MPHOSPH10: variants seen among roughly 807,000 people sequenced by gnomAD.
The protein encoded by MPHOSPH10 is U3 small nucleolar ribonucleoprotein MPP10.
Under a neutral mutation model 77.3 loss-of-function variants are expected in MPHOSPH10, and 33 were observed. The observed-to-expected ratio is 0.43, with a 90% CI of 0.32 to 0.57. The LOEUF is 0.57. Among genes scored for constraint, MPHOSPH10 ranks in the 20% least tolerant of loss-of-function variants. The probability of loss-of-function intolerance (pLI) is 0.07; values close to 1 mark genes in which losing one functional copy is unlikely to be tolerated. For synonymous variants in MPHOSPH10, 245 were observed against 268.0 expected (o/e 0.91, Z 0.84); for missense variants, 708 against 780.1 (o/e 0.91, Z 1.10).
Position 71,130,767 on chromosome 2 carries a change from A to G in MPHOSPH10, c.89+13A>G, listed in dbSNP as rs962396204. On this transcript the variant is annotated intron_variant, in intron 1 of 10. Coordinates refer to ENST00000244230, the MANE Select transcript of MPHOSPH10 (RefSeq NM_005791.3). The stretch of plus-strand genomic sequence containing the variant: ...AGTGCTTCCTCACGTAAGTGCGCAG[A>G]TCCCGGGCTCGGGGTGCGACCGGGG... The G allele has an allele frequency of 5.6e-6, 9 of 1,598,382 alleles. No homozygotes were observed. Among genetic ancestry groups the G allele is most frequent in the Non-Finnish European group, 7.7e-6 (9 of 1,171,002 alleles).
At position 71,149,969 on chromosome 2, in the gene MPHOSPH10, AAAAG is replaced by A. The variant is rs542198196; in HGVS notation, c.2003_2006del (p.Lys668ArgfsTer11). On this transcript the variant is annotated frameshift_variant, in exon 11 of 11. Coordinates refer to ENST00000244230, the MANE Select transcript of MPHOSPH10 (RefSeq NM_005791.3). LOFTEE classifies it high-confidence loss of function. Reference sequence around the variant, plus strand: ...AATGATGCAAAGAAAACAGAAAAGAAAAAGAAGAAAAGACAGGATATTTCTGTTC... The same window carrying A: ...AATGATGCAAAGAAAACAGAAAAGAAAAGAAAAGACAGGATATTTCTGTTC... 4.7e-6 allele frequency: 7 copies of A among 1,481,210 alleles called. No homozygotes were observed. The highest frequency in any genetic ancestry group is 6.4e-6 in the Non-Finnish European group (7 of 1,087,492). The allele number at this position is 1,481,210 out of a possible 1,614,324, so 91.8% of individuals were successfully genotyped here.
chr2:71,142,287 G>A (rs1673627545), intron 7 of MPHOSPH10, among the ~76,000 whole-genome samples: 1 of 152,180 alleles, frequency 6.6e-6, no homozygotes, highest in Non-Finnish European at 1.5e-5. Context: ...CTGAAGAACT[G>A]AAAAGATTTG....
At chr2:71,140,034 T>TATCCAGG (rs1476875841) in intron 6 of MPHOSPH10, among the ~76,000 whole-genome samples, 172 bp downstream of exon 6, 1 of 152,194 alleles carries the variant, frequency 6.6e-6, no homozygotes, top group African/African-American at 2.4e-5. Flanking sequence ...TCTTCAGTAG[T>TATCCAGG]ATCCAGGAAA....
chr2:71,139,251 A>G (rs1673564344), intron 5 of MPHOSPH10: 1 of 160,822 alleles, frequency 6.2e-6, no homozygotes, highest in Non-Finnish European at 1.4e-5. Context: ...GATATCGTCT[A>G]AGAACTAGGA....
chr2:71,148,291 T>G lies in MPHOSPH10; in HGVS notation c.1665+185T>G, dbSNP rs1275553609. ...AAATACCAGTCTCCTATATTCTGGC[T>G]TTATTATGAGGTACAGGTTTGAGAG... On this transcript the variant is annotated intron_variant, in intron 9 of 10. Transcript: ENST00000244230. 3 of 539,244 alleles carry G rather than the reference T, an allele frequency of 5.6e-6. No homozygotes were observed. In the African/African-American group the frequency reaches 5.6e-5, roughly 10 times the overall value. 33.4% of individuals were successfully genotyped at this position (539,244 alleles called of 1,614,324 possible).
chr2:71,139,774 TA>T lies in MPHOSPH10; in HGVS notation c.1241-18del. The T allele has an allele frequency of 6.4e-7, 1 of 1,571,118 alleles. No homozygotes were observed. Among genetic ancestry groups the T allele is most frequent in the Non-Finnish European group, 8.7e-7 (1 of 1,145,370 alleles). ...GTCTAGTGGATATCTACCTAATGAA[TA>T]AACGTTGTATATCCTTTAGCACCTG... On this transcript the variant is annotated intron_variant, in intron 5 of 10. Transcript: ENST00000244230.
chr2:71,130,804 C>T (rs746363524), intron 1 of MPHOSPH10, 50 bp downstream of exon 1: 3 of 1,545,100 alleles, frequency 1.9e-6, no homozygotes, highest in Non-Finnish European at 2.6e-6. Flanking sequence ...CTCACGTGGA[C>T]GCGGGTTGCA....
Position 71,133,414 on chromosome 2 carries a change from T to C in MPHOSPH10, c.606T>C (p.Asp202=), listed in dbSNP as rs1254922809. ...GKPREKSIVD[D]KFFKLSEMEA... The stretch of plus-strand genomic sequence containing the variant: ...CAAGAGAAAAGTCCATAGTAGATGA[T>C]AAATTCTTCAAACTCTCTGAAATGG... Residue 202 remains aspartate (D), a synonymous_variant, in exon 2 of 11, where the codon GAT becomes GAC. Coordinates refer to ENST00000244230, the MANE Select transcript of MPHOSPH10 (RefSeq NM_005791.3). The C allele has an allele frequency of 6.2e-7, 1 of 1,614,108 alleles. No individual in the cohort carries two copies. Among genetic ancestry groups the C allele is most frequent in the Admixed American group, 1.7e-5 (1 of 60,014 alleles).
chr2:71,134,028 T>C lies in MPHOSPH10; in HGVS notation c.849T>C (p.His283=), dbSNP rs759813485. 4.3e-6 allele frequency: 7 copies of C among 1,609,740 alleles called. 1 individual carries two copies. In the East Asian group the frequency reaches 1.3e-4, roughly 31 times the overall value. ...GTGATGAAGACATAACAAATGTTCA[T>C]GATGATGAGCTGGATTCAAACAAAG... ...VESDEDITNV[H]DDELDSNKED... The change falls in exon 3 of 11, where the codon CAT becomes CAC. Residue 283 remains histidine (H), a synonymous_variant. Coordinates refer to ENST00000244230, the MANE Select transcript of MPHOSPH10 (RefSeq NM_005791.3).
chr2:71,140,418 A>T (rs575551724), intron 6 of MPHOSPH10, among the ~76,000 whole-genome samples: 1 of 152,256 alleles, frequency 6.6e-6, no homozygotes, highest in East Asian at 1.9e-4. Context: ...GCTCTTCTTA[A>T]GAGCCACCAT....
rs1673426073 is a variant in MPHOSPH10 at position 71,133,463 on chromosome 2, AAAG to A, written c.660_662del (p.Glu222del). 6.2e-7 allele frequency: 1 copy of A among 1,613,910 alleles called. No homozygotes were observed. Among genetic ancestry groups the A allele is most frequent in the Non-Finnish European group, 8.5e-7 (1 of 1,179,944 alleles). On this transcript the variant is annotated inframe_deletion, in exon 2 of 11. Transcript: ENST00000244230. Reference sequence around the variant, plus strand: ...GGAGGCCTATTTAGAAAACATAGAAAAAGAAGAGGAACGAAAAGATGATAATGA... The same window carrying A: ...GGAGGCCTATTTAGAAAACATAGAAAAAGAGGAACGAAAAGATGATAATGA...
At chr2:71,135,235 T>C in intron 4 of MPHOSPH10, among the ~76,000 whole-genome samples, 1 of 152,024 alleles carries the variant, frequency 6.6e-6, no homozygotes, top group East Asian at 1.9e-4. Flanking sequence ...GCATTTCAGT[T>C]TGGGGCCTGT....
chr2:71,149,604 T>C (rs1673782227), intron 10 of MPHOSPH10, 151 bp downstream of exon 10: 1 of 805,876 alleles, frequency 1.2e-6, no homozygotes, highest in Non-Finnish European at 2.0e-6. Context: ...CAACCTTTAA[T>C]GTTCTAGAAT....
intron 6 of MPHOSPH10, among the ~76,000 whole-genome samples, chr2:71,140,273 A>G (rs1673586616): frequency 6.6e-6 from 1 of 152,164 alleles, no homozygotes; most frequent in South Asian, 2.1e-4. Context: ...TAAAAGGAAT[A>G]CAGTTATGGA....
Position 71,144,149 on chromosome 2 carries a change from A to T in MPHOSPH10, c.1447-279A>T, listed in dbSNP as rs1673663018. The T allele has an allele frequency of 9.0e-6, 2 of 221,610 alleles. 1 individual carries two copies. The highest frequency in any genetic ancestry group is 1.1e-4 in the Admixed American group (2 of 17,458). The allele number at this position is 221,610 out of a possible 1,614,324, so 13.7% of individuals were successfully genotyped here. On this transcript the variant is annotated intron_variant, in intron 7 of 10. Coordinates refer to ENST00000244230, the MANE Select transcript of MPHOSPH10 (RefSeq NM_005791.3). ...AAACAACTGTAGCCATCTTAGGAAT[A>T]GCTTAGTTTTTGACAGAAGTAAATA...
At position 71,149,423 on chromosome 2, in the gene MPHOSPH10, G is replaced by A. The variant is rs147514745; in HGVS notation, c.1866G>A (p.Leu622=). ...KTVASEKLKQ[L]TKTGKASFIK... The stretch of plus-strand genomic sequence containing the variant: ...TAGCTTCGGAGAAGTTAAAACAGCT[G>A]ACCAAAACTGGCAAAGCTTCCTTCA... The change falls in exon 10 of 11, where the codon CTG becomes CTA. Residue 622 remains leucine (L), a synonymous_variant. Coordinates refer to ENST00000244230, the MANE Select transcript of MPHOSPH10 (RefSeq NM_005791.3). The A allele has an allele frequency of 5.6e-6, 9 of 1,614,010 alleles. No homozygotes were observed. The highest frequency in any genetic ancestry group is 7.6e-6 in the Non-Finnish European group (9 of 1,179,990).
At chr2:71,134,155 A>C (rs771273109) in intron 3 of MPHOSPH10, 50 bp downstream of exon 3, 2 of 1,537,004 alleles carry the variant, frequency 1.3e-6, no homozygotes, top group Admixed American at 3.8e-5. Flanking sequence ...TTGCCCAATC[A>C]TGTGTGTGTA....
intron 1 of MPHOSPH10, among the ~76,000 whole-genome samples, chr2:71,132,034 A>G (rs1673396749): frequency 6.6e-6 from 1 of 152,182 alleles, no homozygotes; most frequent in African/African-American, 2.4e-5. Context: ...GTACTCAAAC[A>G]TAAAACTAGG....
At chr2:71,141,987 G>A (rs1053843638) in intron 7 of MPHOSPH10, among the ~76,000 whole-genome samples, 3 of 152,196 alleles carry the variant, frequency 2.0e-5, no homozygotes, top group Middle Eastern at 3.4e-3. Flanking sequence ...AGCCCAGATC[G>A]CGCCACTGCT....
Sources: allele counts gnomAD v4.1 joint callset (sites outside exome capture counted in the v4.1 genomes callset), GRCh38; gene constraint gnomAD v4.1.1; transcripts MANE v1.5; gene names NCBI Gene and HGNC (gene_info 2026-07-23, HGNC 2026-07-21).